Variants in ADARB2 observed in about 807,000 individuals in gnomAD.
The protein encoded by ADARB2 is inactive double-stranded RNA-specific editase B2.
A neutral mutation model predicts 62.2 loss-of-function variants in ADARB2; 25 were observed. The observed-to-expected ratio is 0.40, with a 90% CI of 0.29 to 0.56. ADARB2 has a LOEUF of 0.56. Ranked by LOEUF, ADARB2 falls within the 20% of genes least tolerant of loss-of-function variation. ADARB2 has a pLI of 0.43. For synonymous variants in ADARB2, 572 were observed against 500.8 expected, an observed-to-expected ratio of 1.14 and a Z score of -1.90; for missense variants, 1,071 against 1,077.4, an observed-to-expected ratio of 0.99 and a Z score of 0.08.
intron 1 of ADARB2, among the ~76,000 whole-genome samples, chr10:1,642,060 C>A (rs2119058531): frequency 6.6e-6 from 1 of 152,218 alleles, no homozygotes; most frequent in South Asian, 2.1e-4. Flanking sequence ...TACCTCAGTG[C>A]AAATATTTGA....
intron 1 of ADARB2, among the ~76,000 whole-genome samples, chr10:1,706,819 TGG>T (rs1164273684): frequency 6.6e-6 from 1 of 151,482 alleles, no homozygotes; most frequent in African/African-American, 2.4e-5. Context: ...AGGAGACTGA[TGG>T]GGAACAAAAG....
At chr10:1,253,893 G>A (rs750201591) in intron 4 of ADARB2, among the ~76,000 whole-genome samples, 33 of 152,130 alleles carry the variant, frequency 2.2e-4, no homozygotes, top group Non-Finnish European at 4.0e-4. Context: ...GTTAGGATGC[G>A]GTGGGCTCTG....
chr10:1,461,161 T>C (rs920937860), intron 1 of ADARB2, among the ~76,000 whole-genome samples: 9 of 152,202 alleles, frequency 5.9e-5, no homozygotes, highest in African/African-American at 1.4e-4. Flanking sequence ...AGCAACAACG[T>C]GACACTTCGA....
At chr10:1,702,358 C>G (rs78319910) in intron 1 of ADARB2, among the ~76,000 whole-genome samples, 2 of 152,166 alleles carry the variant, frequency 1.3e-5, no homozygotes, top group African/African-American at 2.4e-5. Context: ...GTTTTAGAGA[C>G]GACCCTCAAA....
At chr10:1,487,608 C>T (rs562986219) in intron 1 of ADARB2, among the ~76,000 whole-genome samples, 2 of 152,254 alleles carry the variant, frequency 1.3e-5, no homozygotes, top group East Asian at 1.9e-4. Flanking sequence ...CTTGGGATAT[C>T]TGACTTATTC....
chr10:1,728,407 T>C (rs1455605734), intron 1 of ADARB2, among the ~76,000 whole-genome samples: 2 of 152,242 alleles, frequency 1.3e-5, no homozygotes, highest in East Asian at 1.9e-4. Context: ...AATGTTTATA[T>C]TAGACTGCTG....
At chr10:1,497,255 A>C (rs1008465053) in intron 1 of ADARB2, among the ~76,000 whole-genome samples, 4 of 152,258 alleles carry the variant, frequency 2.6e-5, no homozygotes, top group African/African-American at 9.6e-5. Flanking sequence ...ACAAGGAAGC[A>C]CAGGTGTTAA....
At chr10:1,211,295 A>G (rs17156106) in intron 7 of ADARB2, among the ~76,000 whole-genome samples, 3,930 of 150,964 alleles carry the variant, frequency 0.026, 162 homozygotes, top group African/African-American at 0.089. Flanking sequence ...TCTATAATCT[A>G]TGTATCATCT....
intron 3 of ADARB2, among the ~76,000 whole-genome samples, chr10:1,337,994 A>C (rs770073059): frequency 1.3e-5 from 2 of 152,240 alleles, no homozygotes; most frequent in Non-Finnish European, 2.9e-5. Context: ...TCATGGCATC[A>C]TTTAATACTG....
At chr10:1,646,897 G>A (rs750098658) in intron 1 of ADARB2, among the ~76,000 whole-genome samples, 15 of 152,196 alleles carry the variant, frequency 9.9e-5, no homozygotes, top group East Asian at 3.9e-4. Context: ...CAGTGCCTGC[G>A]TGCCTGCGAC....
At chr10:1,583,258 G>T (rs1009341300) in intron 1 of ADARB2, among the ~76,000 whole-genome samples, 7 of 152,120 alleles carry the variant, frequency 4.6e-5, no homozygotes, top group African/African-American at 1.7e-4. Flanking sequence ...GATGGCAAGG[G>T]GTCACTGTCA....
rs543449621 is a variant in ADARB2, at chr10:1,440,333, A to G, written c.101-61173T>C. 2.7e-3 allele frequency among the ~76,000 whole-genome samples: 415 copies of G among 152,260 alleles called. 2 individuals carry two copies. Among genetic ancestry groups the G allele is most frequent in the South Asian group, 0.017 (80 of 4,812 alleles). On this transcript the variant is annotated intron_variant, in intron 1 of 9. Transcript: ENST00000381312. ...GAGCTAGGTGACCGTGGGACAGTCAATCTGATCCTCATGGTGTGGACCGTG... is the reference window on the plus strand; with the variant it reads ...GAGCTAGGTGACCGTGGGACAGTCAGTCTGATCCTCATGGTGTGGACCGTG...
chr10:1,693,833 T>C (rs1834702931), intron 1 of ADARB2, among the ~76,000 whole-genome samples: 1 of 152,236 alleles, frequency 6.6e-6, no homozygotes, highest in African/African-American at 2.4e-5. Context: ...AATGATTTAT[T>C]GAAATTTCCT....
intron 4 of ADARB2, among the ~76,000 whole-genome samples, chr10:1,243,571 C>G (rs1188717007): frequency 6.6e-6 from 1 of 152,248 alleles, no homozygotes; most frequent in Non-Finnish European, 1.5e-5. Context: ...CATCTGCCCT[C>G]TCTGGGCCTC....
intron 8 of ADARB2, among the ~76,000 whole-genome samples, chr10:1,195,656 G>C (rs1330917496): frequency 6.6e-6 from 1 of 152,062 alleles, no homozygotes; most frequent in Non-Finnish European, 1.5e-5. Context: ...TCAGCCTGAG[G>C]CTTCTGAATC....
intron 1 of ADARB2, among the ~76,000 whole-genome samples, chr10:1,657,007 G>GTC (rs1208738926): frequency 6.6e-6 from 1 of 151,306 alleles, no homozygotes; most frequent in Non-Finnish European, 1.5e-5. Context: ...TGTTTTGTGT[G>GTC]TGTGTGTGTG....
At chr10:1,247,959 G>C (rs1445436838) in intron 4 of ADARB2, among the ~76,000 whole-genome samples, 1 of 152,196 alleles carries the variant, frequency 6.6e-6, no homozygotes, top group Non-Finnish European at 1.5e-5. Context: ...TGGGATGGGG[G>C]TGAGGCCATG....
chr10:1,244,048 T>G (rs1188092983), intron 4 of ADARB2, among the ~76,000 whole-genome samples: 7 of 152,182 alleles, frequency 4.6e-5, no homozygotes, highest in East Asian at 3.8e-4. Context: ...GGTCCAGGCC[T>G]CCTCCTCTCT....
intron 1 of ADARB2, among the ~76,000 whole-genome samples, chr10:1,382,042 A>G (rs1193361088): frequency 6.6e-6 from 1 of 152,228 alleles, no homozygotes; most frequent in Non-Finnish European, 1.5e-5. Context: ...CAGATGTGTT[A>G]ATTAATTTTT....
Sources: gnomAD v4.1 joint callset for allele counts (sites outside exome capture counted in the v4.1 genomes callset) on GRCh38, gnomAD v4.1.1 for gene constraint, MANE v1.5 for transcripts, NCBI Gene and HGNC (gene_info 2026-07-23, HGNC 2026-07-21) for gene names.